Variants in HNRNPDL observed in about 807,000 individuals in gnomAD.
HNRNPDL encodes the protein heterogeneous nuclear ribonucleoprotein D like.
HNRNPDL carries 18 observed loss-of-function variants against 48.0 expected under a neutral mutation model. The observed-to-expected ratio is 0.38, with a 90% confidence interval of 0.26 to 0.56. The LOEUF (loss-of-function observed/expected upper bound fraction) is 0.56. Ranked by LOEUF, HNRNPDL falls within the 20% of genes least tolerant of loss-of-function variation. The pLI is 0.77. For synonymous variants in HNRNPDL, 306 were observed against 207.3 expected (o/e 1.48, Z -4.09); for missense variants, 553 against 540.7 (o/e 1.02, Z -0.23).
rs1229628281 is a variant in HNRNPDL at position 82,423,886 on chromosome 4, C to T, written c.*1020G>A. 1 of 152,210 alleles carries T rather than the reference C, an allele frequency of 6.6e-6. No individual in the cohort carries two copies. Among genetic ancestry groups the T allele is most frequent in the East Asian group, 1.9e-4 (1 of 5,204 alleles). The allele number at this position is 152,210 out of a possible 1,614,324, so 9.4% of individuals were successfully genotyped here. ...TAAATATTTAACTACTTAGTTCATG[C>T]ACTGTGTCAAAAACTAGATTTACTA... On this transcript the variant is annotated 3_prime_UTR_variant, in exon 8 of 8. Transcript: ENST00000295470.
intron 6 of HNRNPDL, 143 bp downstream of exon 6, chr4:82,426,320 C>T: frequency 1.2e-6 from 1 of 862,632 alleles, no homozygotes; most frequent in Non-Finnish European, 1.8e-6. Context: ...TTAGTATAAT[C>T]ATCCTATGAT....
At chr4:82,427,635 C>T (rs1721472292) in intron 3 of HNRNPDL, 71 bp from the exon 4 acceptor site, 3 of 1,410,390 alleles carry the variant, frequency 2.1e-6, no homozygotes, top group Non-Finnish European at 2.0e-6. Context: ...TGCCAAAGGC[C>T]TTTTCAGGCT....
rs1200881362 is a variant in HNRNPDL at position 82,423,483 on chromosome 4, C to G, written c.*1423G>C. 1 of 151,816 alleles carries G rather than the reference C, an allele frequency of 6.6e-6. No individual in the cohort carries two copies. Among genetic ancestry groups the G allele is most frequent in the African/African-American group, 2.4e-5 (1 of 41,286 alleles). 9.4% of individuals were successfully genotyped at this position (151,816 alleles called of 1,614,324 possible). ...GGCCAAGAGCATTATAATGTGATAG[C>G]CCAGGAAGTAGAATCATTGTTAAGA... On this transcript the variant is annotated 3_prime_UTR_variant, in exon 8 of 8. Transcript: ENST00000295470.
chr4:82,429,225 GC>G (rs1448686997), intron 1 of HNRNPDL, 22 bp downstream of exon 1: 1 of 1,608,526 alleles, frequency 6.2e-7, no homozygotes, highest in Admixed American at 1.7e-5. Context: ...GGGAGGGGGA[GC>G]GGGGGAAGAA....
In HNRNPDL at chr4:82,423,891, T is replaced by G. The variant is rs778938309; in HGVS notation, c.*1015A>C. The G allele has an allele frequency of 6.6e-6, 1 of 152,224 alleles. No individual in the cohort carries two copies. Among genetic ancestry groups the G allele is most frequent in the Non-Finnish European group, 1.5e-5 (1 of 68,042 alleles). The allele number at this position is 152,224 out of a possible 1,614,324, so 9.4% of individuals were successfully genotyped here. On this transcript the variant is annotated 3_prime_UTR_variant, in exon 8 of 8. Transcript: ENST00000295470. ...ATTTAACTACTTAGTTCATGCACTG[T>G]GTCAAAAACTAGATTTACTATCAAG... is the stretch of plus-strand genomic sequence containing the variant.
At chr4:82,428,581 T>G in intron 1 of HNRNPDL, 135 bp from the exon 2 acceptor site, 1 of 725,610 alleles carries the variant, frequency 1.4e-6, no homozygotes. Context: ...TTACATTTAA[T>G]CTATGTCACA....
Position 82,423,737 on chromosome 4 carries a change from A to G in HNRNPDL, c.*1169T>C, listed in dbSNP as rs1299179617. On this transcript the variant is annotated 3_prime_UTR_variant, in exon 8 of 8. Coordinates refer to ENST00000295470, the MANE Select transcript of HNRNPDL (RefSeq NM_031372.4). Reference sequence around the variant, plus strand: ...CCTCTGAAACCTGGATATAAAACGGATTCTTTTCAATGCACCCAGAGGGTC... The same window carrying G: ...CCTCTGAAACCTGGATATAAAACGGGTTCTTTTCAATGCACCCAGAGGGTC... The G allele has an allele frequency of 6.6e-6, 1 of 152,192 alleles. No individual in the cohort carries two copies. The highest frequency in any genetic ancestry group is 2.4e-5 in the African/African-American group (1 of 41,444). The allele number at this position is 152,192 out of a possible 1,614,324, so 9.4% of individuals were successfully genotyped here. A position where few individuals can be genotyped will look rare whatever the true frequency, so the allele number is the denominator to read the frequency against.
chr4:82,425,759 A>G, intron 7 of HNRNPDL: 1 of 342,836 alleles, frequency 2.9e-6, no homozygotes, highest in African/African-American at 2.1e-5. Flanking sequence ...TTACCTGTTA[A>G]TAGTTCTAAA....
At position 82,428,272 on chromosome 4, in the gene HNRNPDL, T is replaced by G. The variant is rs767084004; in HGVS notation, c.612+6A>C. On this transcript the variant is annotated splice_donor_region_variant and intron_variant, in intron 2 of 7. Transcript: ENST00000295470. ...AAAGCAGCACAATGCAAAACATAGT[T>G]CCTACCTTATCAACACTAGCAGCAT... The G allele has an allele frequency of 1.9e-6, 3 of 1,611,960 alleles. No individual in the cohort carries two copies. The South Asian group carries it at 3.3e-5, about 18-fold the overall frequency.
rs1052057068 is a variant in HNRNPDL at position 82,429,923 on chromosome 4, C to T, written c.-233G>A. On this transcript the variant is annotated 5_prime_UTR_variant, in exon 1 of 8. Coordinates refer to ENST00000295470, the MANE Select transcript of HNRNPDL (RefSeq NM_031372.4). ...CCCGCCTTTTTCTGCCCTCGGTTCG[C>T]CAGTGCGGAGCCGCTGCGGCGGCCG... 4 of 360,770 alleles carry T rather than the reference C, an allele frequency of 1.1e-5. No individual in the cohort carries two copies. The highest frequency in any genetic ancestry group is 2.1e-5 in the African/African-American group (1 of 47,452). 22.3% of individuals were successfully genotyped at this position (360,770 alleles called of 1,614,324 possible). A position where few individuals can be genotyped will look rare whatever the true frequency, so the allele number is the denominator to read the frequency against.
chr4:82,426,948 T>C (rs1035714909), intron 5 of HNRNPDL, among the ~76,000 whole-genome samples: 1 of 152,190 alleles, frequency 6.6e-6, no homozygotes, highest in African/African-American at 2.4e-5. Flanking sequence ...TATCATGTAA[T>C]GGTACACTTT....
Position 82,428,259 on chromosome 4 carries a change from T to C in HNRNPDL, c.612+19A>G, listed in dbSNP as rs376907510. The C allele has an allele frequency of 2.3e-5, 37 of 1,609,480 alleles. No individual in the cohort carries two copies. The highest frequency in any genetic ancestry group is 3.1e-5 in the Non-Finnish European group (37 of 1,176,482). On this transcript the variant is annotated intron_variant, in intron 2 of 7. Coordinates refer to ENST00000295470, the MANE Select transcript of HNRNPDL (RefSeq NM_031372.4). ...GCAAAACACCACAAAAGCAGCACAA[T>C]GCAAAACATAGTTCCTACCTTATCA...
chr4:82,422,981 ACTTAGC>A lies in HNRNPDL; in HGVS notation c.*1919_*1924del, dbSNP rs1358545023. 1 of 151,990 alleles carries A rather than the reference ACTTAGC, an allele frequency of 6.6e-6. No individual in the cohort carries two copies. The highest frequency in any genetic ancestry group is 1.5e-5 in the Non-Finnish European group (1 of 67,966). 9.4% of individuals were successfully genotyped at this position (151,990 alleles called of 1,614,324 possible). The stretch of plus-strand genomic sequence containing the variant: ...AGCTTCAGTTCATCCAACCTAGGAC[ACTTAGC>A]CTTAGAGTATCTGTTCAAATTTGCA... On this transcript the variant is annotated 3_prime_UTR_variant, in exon 8 of 8. Coordinates refer to ENST00000295470, the MANE Select transcript of HNRNPDL (RefSeq NM_031372.4).
chr4:82,425,195 C>A (rs1459208953), intron 7 of HNRNPDL: 1 of 152,130 alleles, frequency 6.6e-6, no homozygotes, highest in African/African-American at 2.4e-5. Flanking sequence ...ATCACAAACA[C>A]CAATTTCTAA....
At chr4:82,427,659 G>A (rs992968365) in intron 3 of HNRNPDL, 95 bp from the exon 4 acceptor site, 4 of 1,145,520 alleles carry the variant, frequency 3.5e-6, no homozygotes, top group African/African-American at 3.1e-5. Flanking sequence ...ACTTAAACAT[G>A]TTATTCTTAT....
Position 82,428,341 on chromosome 4 carries a change from T to C in HNRNPDL, c.549A>G (p.Pro183=). 1.2e-6 allele frequency: 2 copies of C among 1,614,058 alleles called. No homozygotes were observed. Among genetic ancestry groups the C allele is most frequent in the Non-Finnish European group, 8.5e-7 (1 of 1,179,910 alleles). The change falls in exon 2 of 8, where the codon CCA becomes CCG. Residue 183 remains proline, a synonymous_variant. Transcript: ENST00000295470. ...CAAATCCTCTTGATCTCCCAGTGAC[T>C]GGATCTGTTTTAATTGTGCAGTCTA... The part of the protein sequence containing the change: ...EVVDCTIKTD[P]VTGRSRGFGF...
Position 82,429,596 on chromosome 4 carries a change from G to A in HNRNPDL, c.95C>T (p.Pro32Leu), listed in dbSNP as rs1721622012. The A allele has an allele frequency of 5.8e-6, 8 of 1,377,234 alleles. No individual in the cohort carries two copies. The highest frequency in any genetic ancestry group is 4.6e-5 in the African/African-American group (3 of 64,538). The allele number at this position is 1,377,234 out of a possible 1,614,324, so 85.3% of individuals were successfully genotyped here. The stretch of plus-strand genomic sequence containing the variant: ...CGGGGCTAGCTGCCGCGGCGGCCGC[G>A]GCCGCCAATGGGAGAGGCTGCGGGA... ...LASRSLSHWRPRPPRQLAPLL... is the reference protein window; with the variant it reads ...LASRSLSHWRLRPPRQLAPLL... The change falls in exon 1 of 8, where the codon CCG (proline) becomes CTG (leucine). Residue 32 changes from proline (P) to leucine (L), a missense_variant. Pro to Leu is a moderately conservative substitution (Grantham distance 98, BLOSUM62 -3). Transcript: ENST00000295470.
Position 82,427,896 on chromosome 4 carries a change from G to A in HNRNPDL, c.774+122C>T, listed in dbSNP as rs112248900. The A allele has an allele frequency of 2.8e-5, 27 of 961,594 alleles. No individual in the cohort carries two copies. The African/African-American group carries it at 3.3e-4, about 12-fold the overall frequency. 59.6% of individuals were successfully genotyped at this position (961,594 alleles called of 1,614,324 possible). ...AAATCAAGGTACAGTCACTGGAAGC[G>A]ACTTGAGCAGTCATTTAATTCTACT... On this transcript the variant is annotated intron_variant, in intron 3 of 7. Coordinates refer to ENST00000295470, the MANE Select transcript of HNRNPDL (RefSeq NM_031372.4).
chr4:82,429,442 C>T lies in HNRNPDL; in HGVS notation c.249G>A (p.Pro83=), dbSNP rs753636245. The T allele has an allele frequency of 1.1e-5, 17 of 1,610,900 alleles. No homozygotes were observed. The highest frequency in any genetic ancestry group is 7.7e-5 in the South Asian group (7 of 90,998). ...ATTTAAAATGGCGGCGGAAGAGATC[C>T]GGGCGCCGCCTGCGCCCTCCCTTTA... The part of the protein sequence containing the change: ...AAIKGGRRRR[P]DLFRRHFKSS... The change falls in exon 1 of 8, where the codon CCG becomes CCA. Residue 83 remains proline, a synonymous_variant. Coordinates refer to ENST00000295470, the MANE Select transcript of HNRNPDL (RefSeq NM_031372.4).
Sources: gnomAD v4.1 joint callset for allele counts (sites outside exome capture counted in the v4.1 genomes callset) on GRCh38, gnomAD v4.1.1 for gene constraint, MANE v1.5 for transcripts, NCBI Gene and HGNC (gene_info 2026-07-23, HGNC 2026-07-21) for gene names.